The following GRM4 variants were observed in gnomAD, a reference collection of about 807,000 sequenced individuals.
GRM4 encodes glutamate metabotropic receptor 4.
In GRM4, 28 loss-of-function variants were observed where a neutral mutation model predicts 81.7. That is an observed-to-expected ratio of 0.34 (90% CI 0.25 to 0.47). The LOEUF (loss-of-function observed/expected upper bound fraction) is 0.47, where lower values mean the gene tolerates loss of function less well. Ranked by LOEUF, GRM4 falls within the 20% of genes least tolerant of loss-of-function variation. The pLI is 1.00. For synonymous variants in GRM4, 488 were observed against 528.8 expected, an observed-to-expected ratio of 0.92 and a Z score of 1.06; for missense variants, 948 against 1,290.0, an observed-to-expected ratio of 0.73 and a Z score of 4.06.
In GRM4 at chr6:34,035,577, G is replaced by T; in HGVS notation, c.2442+91C>A. 1 of 701,356 alleles carries T rather than the reference G, an allele frequency of 1.4e-6. No homozygotes were observed. The allele number at this position is 701,356 out of a possible 1,614,324, so 43.4% of individuals were successfully genotyped here. On this transcript the variant is annotated intron_variant, in intron 9 of 10. Transcript: ENST00000538487. This position sits in a 1 kb window ranked among gnomAD's most constrained non-coding sequence, Gnocchi z 6.6. ...TGAGGCATGAAAGAAGGCATTTCTG[G>T]AGCAGGGGGGAGGCCAGCCAGCCTC...
Position 34,129,618 on chromosome 6 carries a change from G to T in GRM4, c.519+3360C>A, listed in dbSNP as rs75055628. Among the ~76,000 whole-genome samples, 425 of 152,300 alleles carry T rather than the reference G, an allele frequency of 2.8e-3. 4 individuals are homozygous for T. Among genetic ancestry groups the T allele is most frequent in the Middle Eastern group, 0.027 (8 of 294 alleles). The stretch of plus-strand genomic sequence containing the variant: ...CAGACCTATGAGTTCCCAGAGTCAG[G>T]CCTTCTGGTCCGCAACAGAGGCCTG... On this transcript the variant is annotated intron_variant, in intron 2 of 10. Coordinates refer to ENST00000538487, the MANE Select transcript of GRM4 (RefSeq NM_000841.4).
chr6:34,043,318 C>T (rs917350641), intron 6 of GRM4, among the ~76,000 whole-genome samples: 5 of 152,170 alleles, frequency 3.3e-5, no homozygotes, highest in Admixed American at 6.5e-5. Flanking sequence ...TCACGAGGGC[C>T]TAGGGAGAAA....
At position 34,078,975 on chromosome 6, in the gene GRM4, G is replaced by C. The variant is rs896706519; in HGVS notation, c.736+12908C>G. Among the ~76,000 whole-genome samples, 3 of 152,162 alleles carry C rather than the reference G, an allele frequency of 2.0e-5. No homozygotes were observed. The highest frequency in any genetic ancestry group is 2.0e-4 in the Admixed American group (3 of 15,276). Reference sequence around the variant, plus strand: ...TGAGAGAGGCCCAGGCGCACCCCCAGGTCTGAGGCCTCAGAGGCAGCCCCT... The same window carrying C: ...TGAGAGAGGCCCAGGCGCACCCCCACGTCTGAGGCCTCAGAGGCAGCCCCT... On this transcript the variant is annotated intron_variant, in intron 3 of 10. Coordinates refer to ENST00000538487, the MANE Select transcript of GRM4 (RefSeq NM_000841.4). This position sits in a 1 kb window ranked among gnomAD's most constrained non-coding sequence, Gnocchi z 4.8.
chr6:34,123,639 G>A (rs1021456817), intron 2 of GRM4, among the ~76,000 whole-genome samples: 6 of 152,200 alleles, frequency 3.9e-5, no homozygotes, highest in South Asian at 2.1e-4. Context: ...TACACGCCAG[G>A]CACTGCCCTG....
At chr6:34,143,182 G>C (rs1212835868) in intron 1 of GRM4, among the ~76,000 whole-genome samples, 1 of 152,156 alleles carries the variant, frequency 6.6e-6, no homozygotes, top group Non-Finnish European at 1.5e-5. Flanking sequence ...AAAAGCTTAT[G>C]TGTAAAAGGA....
At chr6:34,027,989 T>TG in intron 10 of GRM4, 131 bp downstream of exon 10, 1 of 1,024,498 alleles carries the variant, frequency 9.8e-7, no homozygotes, top group Non-Finnish European at 1.4e-6. Context: ...GTTCCCCCAG[T>TG]GTCCCCCGCC....
intron 1 of GRM4, among the ~76,000 whole-genome samples, chr6:34,151,942 G>A (rs1008594659): frequency 9.9e-5 from 15 of 152,014 alleles, no homozygotes; most frequent in African/African-American, 2.9e-4. Context: ...GGGCAGTTTG[G>A]GGGATGAAAG....
At position 34,155,460 on chromosome 6, in the gene GRM4, T is replaced by C. The variant is rs997145968; in HGVS notation, c.-70A>G. ...CGGCGGTTCGCAACCTCGACGCACA[T>C]TGGAGTTACCTAGAGAGCTTTAAAA... On this transcript the variant is annotated 5_prime_UTR_variant, in exon 1 of 9. Coordinates refer to the GRM4 transcript ENST00000374177. The C allele has an allele frequency of 2.1e-5, 21 of 996,328 alleles. 1 individual carries two copies. Among genetic ancestry groups the C allele is most frequent in the African/African-American group, 1.1e-4 (7 of 61,114 alleles). The allele number at this position is 996,328 out of a possible 1,614,324, so 61.7% of individuals were successfully genotyped here. A position where few individuals can be genotyped will look rare whatever the true frequency, so the allele number is the denominator to read the frequency against.
chr6:34,067,376 C>T, intron 3 of GRM4, among the ~76,000 whole-genome samples: 1 of 148,582 alleles, frequency 6.7e-6, no homozygotes, highest in Non-Finnish European at 1.5e-5. Context: ...TTCGCTCCCT[C>T]CCTCCGTCCT....
intron 1 of GRM4, among the ~76,000 whole-genome samples, chr6:34,144,776 C>T (rs1024288264): frequency 6.6e-6 from 1 of 152,228 alleles, no homozygotes; most frequent in Non-Finnish European, 1.5e-5. Flanking sequence ...TGGCACGACC[C>T]TCCATCCGGT....
chr6:34,145,957 G>GC (rs528806864), intron 1 of GRM4, 43 bp downstream of exon 1: 13,479 of 972,368 alleles, frequency 0.014, 484 homozygotes, highest in African/African-American at 0.12. Context: ...TCTTCCGGAA[G>GC]CCCCCCCCTT....
Position 34,035,726 on chromosome 6 carries a change from C to A in GRM4, c.2384G>T (p.Cys795Phe). 1 of 1,602,878 alleles carries A rather than the reference C, an allele frequency of 6.2e-7. No individual in the cohort carries two copies. ...GGGGATGAAGGCCAGCCAGACGATGCAAGTGGTGTACATGGTGAAGCCAAT... is the reference window on the plus strand; with the variant it reads ...GGGGATGAAGGCCAGCCAGACGATGAAAGTGGTGTACATGGTGAAGCCAAT... ...KPIGFTMYTT[C>F]IVWLAFIPIF... is the part of the protein sequence containing the mutation. Residue 795 changes from cysteine (C) to phenylalanine (F), a missense_variant, in exon 9 of 11, where the codon TGC becomes TTC. Coordinates refer to ENST00000538487, the MANE Select transcript of GRM4 (RefSeq NM_000841.4). This position sits in a 1 kb window ranked among gnomAD's most constrained non-coding sequence, Gnocchi z 6.6.
rs189564190 is a variant in GRM4, at chr6:34,027,486, G to A, written c.2689+634C>T. ...CCCCCAGACAGGCAACTACCTGAGC[G>A]CCGCTAGGCAGTCCTGTAGGCCCCT... On this transcript the variant is annotated intron_variant, in intron 10 of 10. Coordinates refer to ENST00000538487, the MANE Select transcript of GRM4 (RefSeq NM_000841.4). Among the ~76,000 whole-genome samples the A allele has an allele frequency of 5.3e-4, 80 of 152,256 alleles. 1 individual carries two copies. Among genetic ancestry groups the A allele is most frequent in the Middle Eastern group, 3.4e-3 (1 of 294 alleles).
chr6:34,073,434 A>ACACC (rs1767137192), intron 3 of GRM4, among the ~76,000 whole-genome samples: 1 of 149,504 alleles, frequency 6.7e-6, no homozygotes, highest in African/African-American at 2.5e-5. Context: ...ACACACACAC[A>ACACC]CCATCATACC....
At position 34,021,733 on chromosome 6, in the gene GRM4, GC is replaced by G. The variant is rs1377503622; in HGVS notation, c.*1087del. The G allele has an allele frequency of 1.3e-5, 2 of 152,394 alleles. No homozygotes were observed. The highest frequency in any genetic ancestry group is 2.9e-5 in the Non-Finnish European group (2 of 68,132). 9.4% of individuals were successfully genotyped at this position (152,394 alleles called of 1,614,324 possible). ...CCCAGCCTAGGGAGCAGTCTCCACAGCCCCCAAGCCCTGGGTCTCCAGAGCC... is the reference window on the plus strand; with the variant it reads ...CCCAGCCTAGGGAGCAGTCTCCACAGCCCCAAGCCCTGGGTCTCCAGAGCC... On this transcript the variant is annotated 3_prime_UTR_variant, in exon 11 of 11. Coordinates refer to ENST00000538487, the MANE Select transcript of GRM4 (RefSeq NM_000841.4). This position sits in a 1 kb window ranked among gnomAD's most constrained non-coding sequence, Gnocchi z 5.3.
In GRM4 at chr6:34,056,653, C is replaced by A. The variant is rs774846757; in HGVS notation, c.1059G>T (p.Leu353=). 1 of 1,613,840 alleles carries A rather than the reference C, an allele frequency of 6.2e-7. No homozygotes were observed. The highest frequency in any genetic ancestry group is 8.5e-7 in the Non-Finnish European group (1 of 1,179,954). ...ACCAGATGTTGCGCCGGTTGTTGTCCAGCGTGCGGCTGGAGAAGTAGCGGT... is the reference window on the plus strand; with the variant it reads ...ACCAGATGTTGCGCCGGTTGTTGTCAAGCGTGCGGCTGGAGAAGTAGCGGT... ...GFDRYFSSRT[L]DNNRRNIWFA... The change falls in exon 6 of 11, where the codon CTG becomes CTT. Residue 353 remains leucine, a synonymous_variant. Coordinates refer to ENST00000538487, the MANE Select transcript of GRM4 (RefSeq NM_000841.4).
chr6:34,029,956 GT>G (rs1195873335), intron 9 of GRM4, among the ~76,000 whole-genome samples: 1 of 152,206 alleles, frequency 6.6e-6, no homozygotes, highest in Admixed American at 6.5e-5. Context: ...ATGAAAGCCT[GT>G]CCCCCAGTGA....
intron 10 of GRM4, chr6:34,024,692 G>T: frequency 2.2e-6 from 1 of 455,930 alleles, no homozygotes; most frequent in East Asian, 7.0e-5. Flanking sequence ...GAGTTGGGTG[G>T]AGTCAGTGGC....
At chr6:34,098,813 G>C (rs1704177315) in intron 2 of GRM4, among the ~76,000 whole-genome samples, 1 of 152,236 alleles carries the variant, frequency 6.6e-6, no homozygotes, top group South Asian at 2.1e-4. Context: ...CCCCCACCCT[G>C]ACCCCTCAGG....
Sources: allele counts gnomAD v4.1 joint callset (sites outside exome capture counted in the v4.1 genomes callset), GRCh38; gene constraint gnomAD v4.1.1; non-coding constraint Gnocchi (gnomAD v3.1); transcripts MANE v1.5; gene names NCBI Gene and HGNC (gene_info 2026-07-23, HGNC 2026-07-21).